The following WNK1 variants were observed in gnomAD, a reference collection of about 807,000 sequenced individuals.
The protein encoded by WNK1 is serine/threonine-protein kinase WNK1.
WNK1 carries 38 observed loss-of-function variants against 222.8 expected under a neutral mutation model. The ratio of observed to expected loss-of-function variants is 0.17; its 90% CI spans 0.13 to 0.22. WNK1 has a LOEUF of 0.22. Ranked by LOEUF, WNK1 falls within the 10% of genes least tolerant of loss-of-function variation. WNK1 has a pLI of 1.00. For missense variants in WNK1, 2,348 were observed against 2,918.4 expected (o/e 0.80, Z 4.50); for synonymous variants, 1,090 against 1,092.9 (o/e 1.00, Z 0.05).
In WNK1 at chr12:862,240, G is replaced by T. The variant is rs1454009815; in HGVS notation, c.2109G>T (p.Gln703His). Residue 703 changes from glutamine to histidine, a missense_variant, in exon 8 of 28, where the codon CAG becomes CAT. Around this residue, in one of 13 missense-constraint regions of WNK1, gnomAD observed 547 missense variants for 558.3 expected, o/e 0.98. Coordinates refer to ENST00000315939, the MANE Select transcript of WNK1 (RefSeq NM_018979.4). ...CTTCTACTGTCCAAGCACAGTCTCA[G>T]CCCCATGGGGTATATCCACCCTCAA... ...HIPSTVQAQS[Q>H]PHGVYPPSSV... 6.2e-7 allele frequency: 1 copy of T among 1,614,080 alleles called. No individual in the cohort carries two copies. The highest frequency in any genetic ancestry group is 1.7e-5 in the Admixed American group (1 of 60,014).
intron 3 of WNK1, chr12:829,776 A>G: frequency 1.8e-6 from 1 of 568,966 alleles, no homozygotes; most frequent in Non-Finnish European, 3.1e-6. Context: ...TAGATCCTTG[A>G]CCTTATTCCA....
intron 20 of WNK1, 108 bp from the exon 21 acceptor site, chr12:889,032 T>G (rs1057398593): frequency 2.3e-6 from 2 of 858,546 alleles, no homozygotes; most frequent in South Asian, 1.3e-5. Flanking sequence ...ACAAATGTTA[T>G]GTTGTGCCAA....
At chr12:797,898 G>A (rs1213243867) in intron 1 of WNK1, among the ~76,000 whole-genome samples, 1 of 148,804 alleles carries the variant, frequency 6.7e-6, no homozygotes, top group Non-Finnish European at 1.5e-5. Flanking sequence ...GCAGTGAGCC[G>A]AGATCGCACC....
At chr12:814,957 A>G (rs975358575) in intron 2 of WNK1, among the ~76,000 whole-genome samples, 5 of 152,184 alleles carry the variant, frequency 3.3e-5, no homozygotes, top group Non-Finnish European at 7.3e-5. Flanking sequence ...TTAGATTCTC[A>G]TAACGAACGC....
chr12:759,481 C>T (rs1409394485), intron 1 of WNK1, among the ~76,000 whole-genome samples: 1 of 147,060 alleles, frequency 6.8e-6, no homozygotes, highest in Admixed American at 6.7e-5. Flanking sequence ...CAGGCGAGCG[C>T]CACCACGCCC....
chr12:770,232 C>T (rs553288022), intron 1 of WNK1, among the ~76,000 whole-genome samples: 1 of 152,150 alleles, frequency 6.6e-6, no homozygotes, highest in South Asian at 2.1e-4. Context: ...CCTCGGCCTC[C>T]CAAAGTGCTG....
chr12:829,149 A>C lies in WNK1; in HGVS notation c.1154-854A>C, dbSNP rs575176176. On this transcript the variant is annotated intron_variant, in intron 3 of 27. Coordinates refer to ENST00000315939, the MANE Select transcript of WNK1 (RefSeq NM_018979.4). ...CTTTGTTGATTAAATGATAGTGTGC[A>C]TGCCTGTTTCTTGGAAATGCCTAAT... Among the ~76,000 whole-genome samples, 219 of 152,316 alleles carry C rather than the reference A, an allele frequency of 1.4e-3. 1 individual carries two copies. The highest frequency in any genetic ancestry group is 2.4e-3 in the Admixed American group (37 of 15,300).
At chr12:844,860 T>C (rs1949904400) in intron 4 of WNK1, among the ~76,000 whole-genome samples, 1 of 151,324 alleles carries the variant, frequency 6.6e-6, no homozygotes, top group African/African-American at 2.4e-5. Flanking sequence ...GATTCTGTGT[T>C]GAAATAGGCC....
At chr12:844,322 A>T (rs1949856827) in intron 4 of WNK1, among the ~76,000 whole-genome samples, 1 of 151,990 alleles carries the variant, frequency 6.6e-6, no homozygotes, top group Non-Finnish European at 1.5e-5. Context: ...TCTGGTAGAG[A>T]TGGGGGTTTC....
chr12:833,948 A>G (rs1298749265), intron 4 of WNK1, among the ~76,000 whole-genome samples: 1 of 152,240 alleles, frequency 6.6e-6, no homozygotes, highest in Non-Finnish European at 1.5e-5. Flanking sequence ...ATTAATATGT[A>G]AACAAAGAAT....
At chr12:786,783 A>G (rs1944350944) in intron 1 of WNK1, among the ~76,000 whole-genome samples, 1 of 151,796 alleles carries the variant, frequency 6.6e-6, no homozygotes, top group Non-Finnish European at 1.5e-5. Flanking sequence ...CTTCTTTTTT[A>G]TGTCATTTTA....
chr12:831,227 C>A (rs911166206), intron 4 of WNK1, among the ~76,000 whole-genome samples: 14 of 152,062 alleles, frequency 9.2e-5, no homozygotes, highest in African/African-American at 3.4e-4. Context: ...AGAGTACATA[C>A]AGAAGCATAT....
chr12:845,811 T>G (rs1777108363), intron 4 of WNK1, among the ~76,000 whole-genome samples: 2 of 152,232 alleles, frequency 1.3e-5, no homozygotes, highest in South Asian at 4.1e-4. Context: ...TTGCATTAAT[T>G]TAAATGTGCT....
At chr12:850,737 A>G (rs948956785) in intron 4 of WNK1, among the ~76,000 whole-genome samples, 5 of 152,206 alleles carry the variant, frequency 3.3e-5, no homozygotes, top group African/African-American at 1.2e-4. Context: ...ATCTTGAATT[A>G]ATTTTTGTAT....
chr12:865,205 C>CAGT, intron 8 of WNK1: 1 of 1,536,052 alleles, frequency 6.5e-7, no homozygotes, highest in Admixed American at 2.0e-5. Context: ...ACCCCACCGC[C>CAGT]AGTACTGTCT....
intron 26 of WNK1, among the ~76,000 whole-genome samples, chr12:907,543 C>T (rs953386283): frequency 2.0e-5 from 3 of 152,204 alleles, no homozygotes; most frequent in African/African-American, 4.8e-5. Flanking sequence ...AGCGTACTGG[C>T]GAGCAGTTCC....
intron 5 of WNK1, 129 bp downstream of exon 5, chr12:857,378 T>C (rs1950866176): frequency 2.3e-6 from 2 of 881,566 alleles, no homozygotes; most frequent in Middle Eastern, 2.6e-4. Flanking sequence ...CCTGTAACAT[T>C]TTTAAAGGTA....
rs1268290039 is a variant in WNK1 at position 910,336 on chromosome 12, TC to T, written c.*1546del. 1 of 152,256 alleles carries T rather than the reference TC, an allele frequency of 6.6e-6. No homozygotes were observed. Among genetic ancestry groups the T allele is most frequent in the Non-Finnish European group, 1.5e-5 (1 of 68,044 alleles). The allele number at this position is 152,256 out of a possible 1,614,324, so 9.4% of individuals were successfully genotyped here. ...AATCATTCTAGGAAAGAATACTTAT[TC>T]CTACTCATTTCCTTTATGATGTCCA... On this transcript the variant is annotated 3_prime_UTR_variant, in exon 28 of 28. Coordinates refer to ENST00000315939, the MANE Select transcript of WNK1 (RefSeq NM_018979.4).
intron 4 of WNK1, among the ~76,000 whole-genome samples, chr12:844,145 T>A (rs1949840666): frequency 1.3e-5 from 2 of 152,102 alleles, no homozygotes; most frequent in Non-Finnish European, 1.5e-5. Context: ...ATTTTATTTT[T>A]TTTTGAGACG....
Sources: allele counts gnomAD v4.1 joint callset (sites outside exome capture counted in the v4.1 genomes callset), GRCh38; gene constraint gnomAD v4.1.1; regional missense constraint gnomAD v4.1.1; transcripts MANE v1.5; gene names NCBI Gene and HGNC (gene_info 2026-07-23, HGNC 2026-07-21).